The following ANXA8 variants were observed in gnomAD, a reference collection of about 807,000 sequenced individuals.
ANXA8 encodes annexin A8, also known as VAC-beta.
A neutral mutation model predicts 26.8 loss-of-function variants in ANXA8; 9 were observed. The observed-to-expected ratio is 0.34, with a 90% CI of 0.20 to 0.59. The LOEUF (loss-of-function observed/expected upper bound fraction) is 0.59, where lower values mean the gene tolerates loss of function less well. Ranked by LOEUF, ANXA8 falls within the 20% of genes least tolerant of loss-of-function variation. The pLI is 0.84. For synonymous variants in ANXA8, 39 were observed against 94.8 expected (o/e 0.41, Z 3.42); for missense variants, 83 against 238.5 (o/e 0.35, Z 4.29).
the ANXA8 span, among the ~76,000 whole-genome samples, chr10:47,981,147 CATAAT>C: frequency 2.0e-5 from 3 of 151,794 alleles, no homozygotes; most frequent in East Asian, 3.9e-4. Context: ...GTTGGTTTAA[CATAAT>C]AAAATAAATC....
At chr10:47,630,193 C>G in the ANXA8 span, among the ~76,000 whole-genome samples, 1 of 128,578 alleles carries the variant, frequency 7.8e-6, no homozygotes, top group Non-Finnish European at 1.6e-5. Flanking sequence ...AATATAAATA[C>G]AAATAATAAT....
chr10:47,689,667 C>T, the ANXA8 span: 1 of 708,260 alleles, frequency 1.4e-6, no homozygotes, highest in South Asian at 2.3e-5. Context: ...AATATGCTGA[C>T]AATATATTAA....
chr10:47,516,593 G>A, the ANXA8 span, among the ~76,000 whole-genome samples: 13 of 138,730 alleles, frequency 9.4e-5, 3 homozygotes, highest in African/African-American at 2.5e-4. Context: ...CAGCAGTTAC[G>A]TGAGATCCCA....
the ANXA8 span, among the ~76,000 whole-genome samples, chr10:47,952,833 C>A: frequency 6.7e-6 from 1 of 149,092 alleles, no homozygotes; most frequent in African/African-American, 2.5e-5. Context: ...TCTGGACATA[C>A]ATAATATGTT....
the ANXA8 span, among the ~76,000 whole-genome samples, chr10:47,585,739 AT>A: frequency 6.0e-5 from 4 of 67,182 alleles, no homozygotes; most frequent in South Asian, 6.0e-4. Flanking sequence ...GGGTTGCTTG[AT>A]TTTTTTCATT....
chr10:47,748,566 A>G, the ANXA8 span, among the ~76,000 whole-genome samples: 1 of 152,164 alleles, frequency 6.6e-6, no homozygotes. Flanking sequence ...AAAACATTAA[A>G]AGCAGCTAGA....
At chr10:47,656,392 T>A in the ANXA8 span, among the ~76,000 whole-genome samples, 2 of 149,672 alleles carry the variant, frequency 1.3e-5, no homozygotes, top group Non-Finnish European at 2.9e-5. Context: ...AGGGAAACCC[T>A]GTCTCAAAAA....
the ANXA8 span, among the ~76,000 whole-genome samples, chr10:47,554,195 C>T: frequency 7.3e-6 from 1 of 136,808 alleles, no homozygotes; most frequent in East Asian, 2.4e-4. Flanking sequence ...CCTGTGGTCC[C>T]TGTGGTCCCA....
At chr10:47,694,710 C>T in the ANXA8 span, among the ~76,000 whole-genome samples, 5 of 152,070 alleles carry the variant, frequency 3.3e-5, no homozygotes, top group East Asian at 3.9e-4. Flanking sequence ...CGAGCCACCG[C>T]GCCCGGCCCA....
the ANXA8 span, among the ~76,000 whole-genome samples, chr10:47,735,499 T>C: frequency 4.0e-5 from 6 of 149,550 alleles, no homozygotes; most frequent in African/African-American, 1.5e-4. Flanking sequence ...AACATTTTAA[T>C]AGATATTCCT....
At chr10:47,700,530 A>T in the ANXA8 span, among the ~76,000 whole-genome samples, 1 of 151,720 alleles carries the variant, frequency 6.6e-6, no homozygotes, top group Non-Finnish European at 1.5e-5. Context: ...TAAATGTAAA[A>T]AATAAAATCA....
chr10:47,978,181 A>G, the ANXA8 span, among the ~76,000 whole-genome samples: 1 of 152,066 alleles, frequency 6.6e-6, no homozygotes, highest in South Asian at 2.1e-4. Context: ...GTATTGTAAG[A>G]AAATGACTGT....
the ANXA8 span, among the ~76,000 whole-genome samples, chr10:47,711,306 G>A: frequency 1.9e-4 from 29 of 150,060 alleles, no homozygotes; most frequent in African/African-American, 7.6e-5. Context: ...CATTAAAATA[G>A]TATAGTGTCT....
chr10:47,485,194 G>C (rs1291410863), upstream of ANXA8, among the ~76,000 whole-genome samples: 1 of 152,100 alleles, frequency 6.6e-6, no homozygotes, highest in African/African-American at 2.4e-5. Context: ...TCATCCAAGC[G>C]ATTTGGTTAA....
chr10:47,556,958 C>A, the ANXA8 span, among the ~76,000 whole-genome samples: 1 of 147,292 alleles, frequency 6.8e-6, no homozygotes, highest in Non-Finnish European at 1.5e-5. Flanking sequence ...CAGAACAGTA[C>A]ATTGATGCTG....
chr10:47,489,883 C>G, the ANXA8 span, among the ~76,000 whole-genome samples: 1 of 148,856 alleles, frequency 6.7e-6, no homozygotes, highest in East Asian at 2.0e-4. Flanking sequence ...CCAGCCAGGA[C>G]AGACTGACTC....
chr10:47,925,312 G>A, the ANXA8 span, among the ~76,000 whole-genome samples: 1 of 148,970 alleles, frequency 6.7e-6, no homozygotes, highest in Non-Finnish European at 1.5e-5. Context: ...AAGTCAACAT[G>A]GGCAAATTAG....
At chr10:47,564,674 G>A in the ANXA8 span, 1 of 348,612 alleles carries the variant, frequency 2.9e-6, no homozygotes, top group East Asian at 3.5e-5. Flanking sequence ...CCTCTGCAAG[G>A]GTGAGCCTGC....
At chr10:47,945,486 A>G in the ANXA8 span, among the ~76,000 whole-genome samples, 1 of 150,814 alleles carries the variant, frequency 6.6e-6, no homozygotes, top group South Asian at 2.1e-4. Context: ...CTGGCCTCAG[A>G]CAAATCTAAA....
Sources: gnomAD v4.1 joint callset for allele counts (sites outside exome capture counted in the v4.1 genomes callset) on GRCh38, gnomAD v4.1.1 for gene constraint, MANE v1.5 for transcripts, NCBI Gene and HGNC (gene_info 2026-07-23, HGNC 2026-07-21) for gene names.